Variants in ITPKB observed in about 807,000 individuals in gnomAD.
The protein encoded by ITPKB is IP3 3-kinase B.
ITPKB carries 13 observed loss-of-function variants against 69.4 expected under a neutral mutation model. That is an observed-to-expected ratio of 0.19 (90% confidence interval 0.12 to 0.30). ITPKB has a LOEUF of 0.30. ITPKB is among the 10% of genes least tolerant of loss of function. The pLI is 1.00. For synonymous variants in ITPKB, 584 were observed against 513.7 expected, an observed-to-expected ratio of 1.14 and a Z score of -1.85; for missense variants, 1,240 against 1,250.5, an observed-to-expected ratio of 0.99 and a Z score of 0.13.
At chr1:226,662,054 A>G (rs753252945) in intron 2 of ITPKB, among the ~76,000 whole-genome samples, 1 of 152,180 alleles carries the variant, frequency 6.6e-6, no homozygotes, top group African/African-American at 2.4e-5. Flanking sequence ...GAGGGAGTGC[A>G]CGGACGATGA....
At chr1:226,656,013 G>C (rs1277181820) in intron 2 of ITPKB, among the ~76,000 whole-genome samples, 1 of 152,184 alleles carries the variant, frequency 6.6e-6, no homozygotes, top group Non-Finnish European at 1.5e-5. Flanking sequence ...CGCCACCTTA[G>C]GCCCGCAAGG....
chr1:226,638,299 CGAAA>C (rs1199129675), intron 6 of ITPKB, among the ~76,000 whole-genome samples: 1 of 152,204 alleles, frequency 6.6e-6, no homozygotes, highest in African/African-American at 2.4e-5. Flanking sequence ...ACTTGGGCTA[CGAAA>C]GAGTCAGGCA....
Position 226,641,146 on chromosome 1 carries a change from C to G in ITPKB, c.2451+775G>C, listed in dbSNP as rs1450882757. Reference sequence around the variant, plus strand: ...AAGGGTGCACACAGGGGCCCAGGGACAGGGAGATCATCCAGACAGTCACCA... The same window carrying G: ...AAGGGTGCACACAGGGGCCCAGGGAGAGGGAGATCATCCAGACAGTCACCA... On this transcript the variant is annotated intron_variant, in intron 5 of 7. Coordinates refer to ENST00000429204, the MANE Select transcript of ITPKB (RefSeq NM_002221.4). The surrounding 1 kb of genome is among the most constrained non-coding windows in gnomAD (Gnocchi z 4.6). 6.6e-6 allele frequency among the ~76,000 whole-genome samples: 1 copy of G among 152,246 alleles called. No homozygotes were observed. The highest frequency in any genetic ancestry group is 1.5e-5 in the Non-Finnish European group (1 of 68,048).
At chr1:226,732,365 A>G (rs1657615036) in intron 2 of ITPKB, among the ~76,000 whole-genome samples, 2 of 152,048 alleles carry the variant, frequency 1.3e-5, no homozygotes, top group Admixed American at 1.3e-4. Flanking sequence ...TAGCCTCCCA[A>G]GTAGCTGGGA....
Position 226,737,616 on chromosome 1 carries a change from C to T in ITPKB, c.-158G>A. On this transcript the variant is annotated 5_prime_UTR_variant, in exon 2 of 8. It adds an upstream start codon to the 5' untranslated region. Coordinates refer to ENST00000429204, the MANE Select transcript of ITPKB (RefSeq NM_002221.4). ...TGGCCTGGGCAGCGGGCTGGGGGCA[C>T]GACCGCGGGCTCAGCCCCCGCCCAA... 8.8e-7 allele frequency: 1 copy of T among 1,138,432 alleles called. No homozygotes were observed. The highest frequency in any genetic ancestry group is 1.1e-6 in the Non-Finnish European group (1 of 929,670). The allele number at this position is 1,138,432 out of a possible 1,614,324, so 70.5% of individuals were successfully genotyped here. A position where few individuals can be genotyped will look rare whatever the true frequency, so the allele number is the denominator to read the frequency against.
chr1:226,678,601 G>A (rs961607811), intron 2 of ITPKB, among the ~76,000 whole-genome samples: 3 of 152,192 alleles, frequency 2.0e-5, no homozygotes, highest in Admixed American at 2.0e-4. Context: ...ATGAATTTGG[G>A]ACACTGTGTA....
At chr1:226,735,383 A>C in intron 2 of ITPKB, 144 bp downstream of exon 2, 1 of 892,626 alleles carries the variant, frequency 1.1e-6, no homozygotes, top group Non-Finnish European at 1.5e-6. Context: ...ACACACCTGG[A>C]CAGAATTATT....
At chr1:226,726,530 G>A (rs1324792567) in intron 2 of ITPKB, among the ~76,000 whole-genome samples, 4 of 152,036 alleles carry the variant, frequency 2.6e-5, no homozygotes, top group Admixed American at 6.6e-5. Flanking sequence ...TAAAAAATAA[G>A]CCAGGCATGA....
intron 2 of ITPKB, 43 bp from the exon 3 acceptor site, chr1:226,648,814 C>G (rs778115452): frequency 2.3e-6 from 3 of 1,307,732 alleles, no homozygotes; most frequent in Non-Finnish European, 3.3e-6. Flanking sequence ...GAAAGACAAC[C>G]ACTAATTTCT....
chr1:226,701,625 A>C (rs913186933), intron 2 of ITPKB, among the ~76,000 whole-genome samples: 13 of 150,234 alleles, frequency 8.7e-5, no homozygotes, highest in South Asian at 4.2e-4. Flanking sequence ...AAAAAAAAAA[A>C]AAAAAACTTC....
In ITPKB at chr1:226,737,322, C is replaced by T; in HGVS notation, c.137G>A (p.Ser46Asn). 1 of 1,593,098 alleles carries T rather than the reference C, an allele frequency of 6.3e-7. No individual in the cohort carries two copies. The change falls in exon 2 of 8, where the codon AGC becomes AAC. Residue 46 changes from serine to asparagine, a missense_variant. Ser to Asn is a conservative substitution (Grantham distance 46, BLOSUM62 1). Coordinates refer to ENST00000429204, the MANE Select transcript of ITPKB (RefSeq NM_002221.4). ...PPRRAVLSPG[S>N]VFSPGRGASF... Reference sequence around the variant, plus strand: ...GGCGCCTCTCCCGGGGCTGAAAACGCTGCCGGGGCTCAGCACTGCCCTCCT... The same window carrying T: ...GGCGCCTCTCCCGGGGCTGAAAACGTTGCCGGGGCTCAGCACTGCCCTCCT...
At chr1:226,648,413 G>A (rs992905107) in intron 3 of ITPKB, among the ~76,000 whole-genome samples, 6 of 151,986 alleles carry the variant, frequency 3.9e-5, no homozygotes, top group African/African-American at 1.5e-4. Context: ...GGAAGAGACA[G>A]AGATAAGAGC....
intron 7 of ITPKB, among the ~76,000 whole-genome samples, chr1:226,636,783 TGTGTGTGTGTGA>T (rs1165014773): frequency 9.4e-5 from 14 of 149,160 alleles, no homozygotes; most frequent in African/African-American, 2.5e-4. Context: ...TGTGTGTGTG[TGTGTGTGTGTGA>T]GACTGGGAAA....
intron 2 of ITPKB, among the ~76,000 whole-genome samples, chr1:226,650,951 A>T (rs1199295251): frequency 1.3e-5 from 2 of 152,182 alleles, no homozygotes; most frequent in East Asian, 3.8e-4. Flanking sequence ...CCCTCCGAGG[A>T]AGACTAGAGA....
At chr1:226,677,304 AT>A (rs1655910708) in intron 2 of ITPKB, among the ~76,000 whole-genome samples, 2 of 152,160 alleles carry the variant, frequency 1.3e-5, no homozygotes, top group South Asian at 4.1e-4. Flanking sequence ...ACCCTTCTCT[AT>A]TATTAGCAAC....
chr1:226,696,738 T>TC lies in ITPKB; in HGVS notation c.1932+38788dup, dbSNP rs1459566157. On this transcript the variant is annotated intron_variant, in intron 2 of 7. Transcript: ENST00000429204. ...CGCAGTCTTTACATCTGGTTAGGGC[T>TC]CCAAGTATTTCCTAAGTGTCTCATC... Among the ~76,000 whole-genome samples, 23 of 152,260 alleles carry TC rather than the reference T, an allele frequency of 1.5e-4. No individual in the cohort carries two copies. In the East Asian group the frequency reaches 4.4e-3, roughly 29 times the overall value.
chr1:226,646,442 G>A (rs1669064223), intron 4 of ITPKB, among the ~76,000 whole-genome samples: 1 of 152,042 alleles, frequency 6.6e-6, no homozygotes, highest in Non-Finnish European at 1.5e-5. Flanking sequence ...TCTGCTCTCT[G>A]CCCTGCCTCC....
intron 2 of ITPKB, among the ~76,000 whole-genome samples, chr1:226,691,891 C>A (rs1408396362): frequency 1.3e-5 from 2 of 152,170 alleles, no homozygotes; most frequent in Non-Finnish European, 2.9e-5. Flanking sequence ...GGGCCCTGAT[C>A]ATGAAGGTGG....
chr1:226,722,226 C>T (rs535565593), intron 2 of ITPKB, among the ~76,000 whole-genome samples: 2 of 152,332 alleles, frequency 1.3e-5, no homozygotes, highest in East Asian at 3.9e-4. Context: ...ACATTCAGGG[C>T]ACTCGCCCTT....
Sources: allele counts gnomAD v4.1 joint callset (sites outside exome capture counted in the v4.1 genomes callset), GRCh38; gene constraint gnomAD v4.1.1; non-coding constraint Gnocchi (gnomAD v3.1); transcripts MANE v1.5; gene names NCBI Gene and HGNC (gene_info 2026-07-23, HGNC 2026-07-21).